The following HIBCH variants were observed in gnomAD, a reference collection of about 807,000 sequenced individuals.
HIBCH encodes 3-hydroxyisobutyryl-CoA hydrolase.
HIBCH carries 50 observed loss-of-function variants against 58.2 expected under a neutral mutation model. The ratio of observed to expected loss-of-function variants is 0.86; its 90% confidence interval spans 0.68 to 1.09. HIBCH has a LOEUF of 1.09. Ranked by LOEUF, HIBCH falls within the 50% of genes least tolerant of loss-of-function variation. The pLI is 0.00. For synonymous variants in HIBCH, 151 were observed against 146.9 expected (o/e 1.03, Z -0.20); for missense variants, 450 against 449.7 (o/e 1.00, Z -0.01).
At chr2:190,270,676 C>T (rs1194047512) in intron 6 of HIBCH, among the ~76,000 whole-genome samples, 2 of 152,188 alleles carry the variant, frequency 1.3e-5, no homozygotes, top group Non-Finnish European at 2.9e-5. Flanking sequence ...GTAGATTTGT[C>T]ATCGCACATG....
intron 1 of HIBCH, among the ~76,000 whole-genome samples, chr2:190,317,511 C>T (rs1688733842): frequency 6.6e-6 from 1 of 152,162 alleles, no homozygotes; most frequent in Admixed American, 6.5e-5. Flanking sequence ...CTGTGAAATC[C>T]AGACTGGTAA....
At chr2:190,225,443 C>T (rs1176915082) in intron 11 of HIBCH, among the ~76,000 whole-genome samples, 1 of 152,076 alleles carries the variant, frequency 6.6e-6, no homozygotes, top group Non-Finnish European at 1.5e-5. Context: ...GGGATATCAC[C>T]ACCGATCCCA....
chr2:190,199,541 AT>A (rs1340700201), downstream of HIBCH, among the ~76,000 whole-genome samples: 1 of 152,168 alleles, frequency 6.6e-6, no homozygotes, highest in Non-Finnish European at 1.5e-5. Context: ...TTATTGAGTG[AT>A]TATCTTTTTC....
chr2:190,319,242 C>G (rs997658818), intron 1 of HIBCH, among the ~76,000 whole-genome samples: 1 of 152,156 alleles, frequency 6.6e-6, no homozygotes, highest in African/African-American at 2.4e-5. Flanking sequence ...CAACACTAGC[C>G]TGAAAGTTCC....
At chr2:190,250,250 T>A in intron 8 of HIBCH, 1 of 366,574 alleles carries the variant, frequency 2.7e-6, no homozygotes, top group East Asian at 7.5e-5. Context: ...CTTTTCCTGA[T>A]AATACTCACC....
intron 6 of HIBCH, among the ~76,000 whole-genome samples, chr2:190,269,543 G>C (rs970095430): frequency 5.3e-5 from 8 of 152,154 alleles, no homozygotes; most frequent in East Asian, 1.9e-4. Flanking sequence ...ACACCAGTTA[G>C]AATGGTGATT....
chr2:190,257,627 C>G (rs1340811806), intron 7 of HIBCH, among the ~76,000 whole-genome samples: 1 of 152,132 alleles, frequency 6.6e-6, no homozygotes, highest in African/African-American at 2.4e-5. Flanking sequence ...TTTTGTGTTG[C>G]TATGACAGAA....
intron 2 of HIBCH, 37 bp downstream of exon 2, chr2:190,310,717 T>A (rs201746200): frequency 1.3e-6 from 2 of 1,535,574 alleles, no homozygotes; most frequent in African/African-American, 2.7e-5. Context: ...AAGTTACACA[T>A]ACAAATAATG....
At chr2:190,247,753 G>A (rs1686651822) in intron 9 of HIBCH, among the ~76,000 whole-genome samples, 1 of 152,070 alleles carries the variant, frequency 6.6e-6, no homozygotes, top group Non-Finnish European at 1.5e-5. Context: ...ACCAAGGTCA[G>A]CCAGTAGCCA....
intron 6 of HIBCH, among the ~76,000 whole-genome samples, chr2:190,280,312 G>A (rs1411674270): frequency 6.6e-6 from 1 of 152,146 alleles, no homozygotes; most frequent in Non-Finnish European, 1.5e-5. Flanking sequence ...CCTACTCCTA[G>A]AGCTTTCTGG....
intron 9 of HIBCH, 136 bp from the exon 10 acceptor site, chr2:190,246,348 T>C (rs1686608332): frequency 1.6e-6 from 1 of 626,840 alleles, no homozygotes; most frequent in Non-Finnish European, 2.8e-6. Flanking sequence ...GTCTCATAAA[T>C]AACTACCGCT....
chr2:190,246,756 A>C (rs1190933027), intron 9 of HIBCH, among the ~76,000 whole-genome samples: 1 of 152,206 alleles, frequency 6.6e-6, no homozygotes, highest in Non-Finnish European at 1.5e-5. Context: ...CCCACATGAC[A>C]CAGTTTTGTG....
rs143925978 is a variant in HIBCH at position 190,296,989 on chromosome 2, C to T, written c.79-36G>A. On this transcript the variant is annotated intron_variant, in intron 2 of 13. Transcript: ENST00000359678. ...AAAGAATAACTTTATGACAAAATTT[C>T]TTAAGTTTTTATCACAAGCCAACAT... 955 of 1,607,290 alleles carry T rather than the reference C, an allele frequency of 5.9e-4. 3 individuals are homozygous for T. The African/African-American group carries it at 0.011, about 19-fold the overall frequency.
intron 1 of HIBCH, among the ~76,000 whole-genome samples, chr2:190,190,277 G>A (rs1689651531): frequency 6.6e-6 from 1 of 151,848 alleles, no homozygotes; most frequent in Admixed American, 6.6e-5. Flanking sequence ...CTATTCATAG[G>A]GTCACTATTG....
rs1690044113 is a variant in HIBCH, at chr2:190,197,679, T to C, written c.*17+7421A>G. Among the ~76,000 whole-genome samples, 1 of 152,220 alleles carries C rather than the reference T, an allele frequency of 6.6e-6. No individual in the cohort carries two copies. The highest frequency in any genetic ancestry group is 6.5e-5 in the Admixed American group (1 of 15,286). On this transcript the variant is annotated intron_variant, in intron 1 of 1. Transcript: ENST00000399855. This position sits in a 1 kb window ranked among gnomAD's most constrained non-coding sequence, Gnocchi z 4.0. ...GATTTAACATCTTGTGTTTTTCTTC[T>C]CTCAGGGATCACAATCCAGTGTTGC...
chr2:190,292,574 G>T (rs1414077016), intron 4 of HIBCH, among the ~76,000 whole-genome samples: 1 of 152,222 alleles, frequency 6.6e-6, no homozygotes, highest in African/African-American at 2.4e-5. Context: ...GCCTCCCAAA[G>T]TGCTGAGATT....
At chr2:190,263,796 C>A (rs1229879949) in intron 6 of HIBCH, among the ~76,000 whole-genome samples, 2 of 152,098 alleles carry the variant, frequency 1.3e-5, no homozygotes, top group Admixed American at 1.3e-4. Context: ...TACCTTCTTT[C>A]CTTTCTACCC....
At chr2:190,309,886 T>C (rs1184975411) in intron 2 of HIBCH, among the ~76,000 whole-genome samples, 3 of 152,146 alleles carry the variant, frequency 2.0e-5, no homozygotes, top group African/African-American at 7.2e-5. Context: ...GTGATTGGAT[T>C]GAAGGATGAA....
intron 13 of HIBCH, among the ~76,000 whole-genome samples, 175 bp from the exon 14 acceptor site, chr2:190,205,407 C>G (rs1396401708): frequency 6.6e-6 from 1 of 152,132 alleles, no homozygotes; most frequent in Admixed American, 6.6e-5. Context: ...CAGGGATGGA[C>G]AGCAATATAC....
Sources: gnomAD v4.1 joint callset for allele counts (sites outside exome capture counted in the v4.1 genomes callset) on GRCh38, gnomAD v4.1.1 for gene constraint, Gnocchi (gnomAD v3.1) non-coding constraint, MANE v1.5 for transcripts, NCBI Gene and HGNC (gene_info 2026-07-23, HGNC 2026-07-21) for gene names.